ZFYVE26: variants seen among roughly 807,000 people sequenced by gnomAD.
ZFYVE26 encodes the protein zinc finger FYVE-type containing 26, also known as zinc finger FYVE domain-containing protein 26.
A neutral mutation model predicts 276.5 loss-of-function variants in ZFYVE26; 181 were observed. The ratio of observed to expected loss-of-function variants is 0.65; its 90% CI spans 0.58 to 0.74. The LOEUF (loss-of-function observed/expected upper bound fraction) is 0.74, where lower values mean the gene tolerates loss of function less well. ZFYVE26 is among the 30% of genes least tolerant of loss of function. The pLI is 0.00. For synonymous variants in ZFYVE26, 1,129 were observed against 1,203.1 expected, an observed-to-expected ratio of 0.94 and a Z score of 1.27; for missense variants, 2,821 against 3,097.9, an observed-to-expected ratio of 0.91 and a Z score of 2.12.
In ZFYVE26 at chr14:67,789,231, T is replaced by C; in HGVS notation, c.3019+104A>G. 2.6e-6 allele frequency: 4 copies of C among 1,513,226 alleles called. No homozygotes were observed. The Admixed American group carries it at 5.0e-5, about 19-fold the overall frequency. The allele number at this position is 1,513,226 out of a possible 1,614,324, so 93.7% of individuals were successfully genotyped here. On this transcript the variant is annotated intron_variant, in intron 16 of 41. Transcript: ENST00000347230. ...ACAAAATTTCATAATCCATTCACCA[T>C]CTGCCTCCTCCAATAACTGCTTTCT...
At chr14:67,813,956 C>T (rs777025914) in intron 3 of ZFYVE26, 30 bp downstream of exon 3, 47 of 1,547,164 alleles carry the variant, frequency 3.0e-5, no homozygotes, top group South Asian at 5.6e-5. Flanking sequence ...GTCCTGGCCT[C>T]GGAGGAAAAT....
At chr14:67,799,187 A>C in intron 10 of ZFYVE26, 1 of 1,599,906 alleles carries the variant, frequency 6.3e-7, no homozygotes. Context: ...AAAGACATAC[A>C]AAGGTTCAGA....
rs2040003059 is a variant in ZFYVE26, at chr14:67,798,345, C to T, written c.1917G>A (p.Lys639=). ...GGCTTGGCATTGTATAAGCAAGGGT[C>T]TTTGGGACTCCCAGGGAACCCCGTT... ...KSERGSLGVP[K]TLAYTMPSHV... Residue 639 remains lysine, a synonymous_variant, in exon 11 of 42, where the codon AAG becomes AAA. Transcript: ENST00000347230. 6.2e-7 allele frequency: 1 copy of T among 1,610,924 alleles called. No homozygotes were observed. The highest frequency in any genetic ancestry group is 8.5e-7 in the Non-Finnish European group (1 of 1,178,186).
intron 27 of ZFYVE26, 26 bp from the exon 28 acceptor site, chr14:67,772,236 G>A: frequency 6.2e-7 from 1 of 1,608,214 alleles, no homozygotes; most frequent in Non-Finnish European, 8.5e-7. Flanking sequence ...AGAGGTCAGA[G>A]TAAAAGGTAA....
At chr14:67,771,950 C>T in intron 28 of ZFYVE26, 97 bp downstream of exon 28, 1 of 1,485,078 alleles carries the variant, frequency 6.7e-7, no homozygotes, top group Non-Finnish European at 9.2e-7. Context: ...TACCGATATT[C>T]TCCTGGGGAC....
At chr14:67,798,893 G>C in intron 10 of ZFYVE26, 1 of 909,070 alleles carries the variant, frequency 1.1e-6, no homozygotes, top group Admixed American at 2.4e-5. Context: ...TGGCCACCAG[G>C]CCCCGCCCCC....
chr14:67,768,391 C>T, intron 30 of ZFYVE26, 126 bp downstream of exon 30: 1 of 1,104,820 alleles, frequency 9.1e-7, no homozygotes, highest in South Asian at 1.3e-5. Context: ...CAAGAATTTG[C>T]TTTGGCAAAC....
At chr14:67,782,707 A>T in intron 21 of ZFYVE26, 73 bp downstream of exon 21, 1 of 1,596,378 alleles carries the variant, frequency 6.3e-7, no homozygotes. Flanking sequence ...CGTGAGGATT[A>T]AATGTGATAA....
In ZFYVE26 at chr14:67,753,961, G is replaced by C. The variant is rs2038712424; in HGVS notation, c.7128+110C>G. The C allele has an allele frequency of 1.9e-6, 3 of 1,569,142 alleles. No homozygotes were observed. The East Asian group carries it at 6.7e-5, about 35-fold the overall frequency. On this transcript the variant is annotated intron_variant, in intron 38 of 41. Coordinates refer to ENST00000347230, the MANE Select transcript of ZFYVE26 (RefSeq NM_015346.4). ...TCTTTGGTGGCTCATATTCTAGTGG[G>C]GAGGCAGCCATCAAACAAACAACTG...
At chr14:67,772,693 G>T (rs561449403) in intron 27 of ZFYVE26, among the ~76,000 whole-genome samples, 1 of 152,344 alleles carries the variant, frequency 6.6e-6, no homozygotes, top group African/African-American at 2.4e-5. Flanking sequence ...CCAGCACTTT[G>T]GGAGGGTGAG....
chr14:67,789,072 G>A (rs1594920798), intron 16 of ZFYVE26, among the ~76,000 whole-genome samples: 1 of 152,134 alleles, frequency 6.6e-6, no homozygotes, highest in African/African-American at 2.4e-5. Flanking sequence ...CTTAAGGCTC[G>A]AATTCCATTG....
At chr14:67,741,372 GAAGGAGCCCTTCTTGCCTGGGTCT>G (rs931272930) in intron 13 of ZFYVE26, among the ~76,000 whole-genome samples, 1 of 152,204 alleles carries the variant, frequency 6.6e-6, no homozygotes, top group African/African-American at 2.4e-5. Flanking sequence ...CTGGCCAAGG[GAAGGAGCCCTTCTTGCCTGGGTCT>G]AAGGGCAATA....
chr14:67,760,347 C>G (rs1355793487), intron 35 of ZFYVE26, among the ~76,000 whole-genome samples: 1 of 152,152 alleles, frequency 6.6e-6, no homozygotes, highest in East Asian at 1.9e-4. Context: ...AAAAACACCC[C>G]CCTTCAGTGT....
At chr14:67,768,417 C>T (rs2039115505) in intron 30 of ZFYVE26, 100 bp downstream of exon 30, 4 of 1,335,346 alleles carry the variant, frequency 3.0e-6, no homozygotes, top group South Asian at 2.3e-5. Flanking sequence ...GGATGGAGTG[C>T]ATAAGTTGGA....
chr14:67,740,936 T>C (rs897459186), intron 13 of ZFYVE26, among the ~76,000 whole-genome samples: 6 of 152,074 alleles, frequency 3.9e-5, no homozygotes, highest in African/African-American at 1.4e-4. Context: ...ATGAATTGTT[T>C]AATATTGCAA....
At chr14:67,733,856 A>G in intron 13 of ZFYVE26, 1 of 1,595,794 alleles carries the variant, frequency 6.3e-7, no homozygotes, top group Non-Finnish European at 8.6e-7. Flanking sequence ...TAGCTGGTGG[A>G]AGAGCTGCAG....
At chr14:67,800,495 A>T (rs2040054500) in intron 10 of ZFYVE26, among the ~76,000 whole-genome samples, 2 of 152,186 alleles carry the variant, frequency 1.3e-5, no homozygotes, top group Admixed American at 1.3e-4. Context: ...TAAAAAAAAA[A>T]TTGCACTGGC....
intron 2 of ZFYVE26, 151 bp downstream of exon 2, chr14:67,815,619 A>G: frequency 1.3e-6 from 1 of 773,414 alleles, no homozygotes; most frequent in Non-Finnish European, 2.3e-6. Context: ...GATGTATACT[A>G]TAGAGGTAAA....
chr14:67,775,526 T>C (rs1375962298), intron 26 of ZFYVE26, among the ~76,000 whole-genome samples: 2 of 152,168 alleles, frequency 1.3e-5, no homozygotes, highest in Non-Finnish European at 2.9e-5. Flanking sequence ...GATGTGATCC[T>C]GGGAATAAGG....
Sources: allele counts gnomAD v4.1 joint callset (sites outside exome capture counted in the v4.1 genomes callset), GRCh38; gene constraint gnomAD v4.1.1; transcripts MANE v1.5; gene names NCBI Gene and HGNC (gene_info 2026-07-23, HGNC 2026-07-21).